The following GPR158 variants were observed in gnomAD, a reference collection of about 807,000 sequenced individuals.
GPR158 encodes metabotropic glycine receptor.
Under a neutral mutation model 78.2 loss-of-function variants are expected in GPR158, and 30 were observed. The observed-to-expected ratio is 0.38, with a 90% confidence interval of 0.29 to 0.52. The LOEUF (loss-of-function observed/expected upper bound fraction) is 0.52. GPR158 is among the 20% of genes least tolerant of loss of function. GPR158 has a pLI of 0.83. For missense variants in GPR158, 1,463 were observed against 1,523.5 expected (o/e 0.96, Z 0.66); for synonymous variants, 581 against 591.1 (o/e 0.98, Z 0.25).
chr10:25,245,655 A>G (rs1853680464), intron 2 of GPR158, among the ~76,000 whole-genome samples: 1 of 151,848 alleles, frequency 6.6e-6, no homozygotes, highest in Non-Finnish European at 1.5e-5. Flanking sequence ...TCCTTATTAA[A>G]CTCCTGCCAT....
rs375923614 is a variant in GPR158 at position 25,252,668 on chromosome 10, G to T, written c.1008+31511G>T. Among the ~76,000 whole-genome samples, 963 of 151,606 alleles carry T rather than the reference G, an allele frequency of 6.4e-3. 12 individuals carry two copies. The highest frequency in any genetic ancestry group is 0.022 in the African/African-American group (923 of 41,146). ...GACCCACTTGAAGAGGCAGTCTGCCGGTTCTCAGATCTCCAGCTGCGTGCT... is the reference window on the plus strand; with the variant it reads ...GACCCACTTGAAGAGGCAGTCTGCCTGTTCTCAGATCTCCAGCTGCGTGCT... On this transcript the variant is annotated intron_variant, in intron 2 of 10. Transcript: ENST00000376351.
chr10:25,501,646 G>A (rs998058861), intron 5 of GPR158, among the ~76,000 whole-genome samples: 6 of 152,140 alleles, frequency 3.9e-5, no homozygotes, highest in Admixed American at 1.3e-4. Context: ...TTGGGAATGC[G>A]GCTCTGGCCA....
At chr10:25,205,845 T>C (rs764287608) in intron 1 of GPR158, among the ~76,000 whole-genome samples, 1 of 152,162 alleles carries the variant, frequency 6.6e-6, no homozygotes, top group Non-Finnish European at 1.5e-5. Context: ...GGTTGTTTTA[T>C]GGCTGATTCT....
chr10:25,238,065 C>T (rs202108435), intron 2 of GPR158, among the ~76,000 whole-genome samples: 1 of 151,684 alleles, frequency 6.6e-6, no homozygotes, highest in African/African-American at 2.4e-5. Flanking sequence ...TCTTTTCTCT[C>T]CTTCTTCTTC....
chr10:25,547,370 G>C (rs4747529), intron 5 of GPR158, among the ~76,000 whole-genome samples: 33,026 of 152,040 alleles, frequency 0.22, 4,581 homozygotes, highest in Non-Finnish European at 0.31. Flanking sequence ...GGCTCCATCT[G>C]TTTTAAAGCT....
chr10:25,476,463 A>G (rs1381037213), intron 5 of GPR158, among the ~76,000 whole-genome samples: 1 of 151,636 alleles, frequency 6.6e-6, no homozygotes, highest in Non-Finnish European at 1.5e-5. Context: ...AAGGACTCCA[A>G]TGCATATGTA....
chr10:25,586,666 G>T (rs1588924908), intron 7 of GPR158, among the ~76,000 whole-genome samples: 1 of 152,230 alleles, frequency 6.6e-6, no homozygotes, highest in African/African-American at 2.4e-5. Context: ...ACCTGCCTCA[G>T]CCTCTCAAAG....
chr10:25,372,554 T>G (rs1834011748), intron 2 of GPR158, among the ~76,000 whole-genome samples: 1 of 146,990 alleles, frequency 6.8e-6, no homozygotes, highest in Non-Finnish European at 1.5e-5. Flanking sequence ...TCATGTCCTT[T>G]GTAGGGACAT....
intron 5 of GPR158, among the ~76,000 whole-genome samples, chr10:25,549,896 C>T (rs367682306): frequency 1.9e-4 from 29 of 152,138 alleles, no homozygotes; most frequent in East Asian, 1.3e-3. Context: ...AAATCATACT[C>T]AGGGTTTTGG....
chr10:25,207,956 A>G lies in GPR158; in HGVS notation c.903-13096A>G, dbSNP rs189731945. ...TTTGATATTATTTTACTCTTATGCT[A>G]TCATTAACACAATTATGTATTTTAT... On this transcript the variant is annotated intron_variant, in intron 1 of 10. Coordinates refer to ENST00000376351, the MANE Select transcript of GPR158 (RefSeq NM_020752.3). 3.4e-4 allele frequency among the ~76,000 whole-genome samples: 52 copies of G among 152,300 alleles called. 1 individual carries two copies. In the East Asian group the frequency reaches 9.4e-3, roughly 28 times the overall value.
intron 4 of GPR158, among the ~76,000 whole-genome samples, chr10:25,420,556 C>T (rs1834736015): frequency 6.6e-6 from 1 of 152,108 alleles, no homozygotes; most frequent in East Asian, 1.9e-4. Flanking sequence ...AGTCATAATG[C>T]TTTTCCTCTA....
chr10:25,504,637 C>T lies in GPR158; in HGVS notation c.1404+37918C>T, dbSNP rs79010660. On this transcript the variant is annotated intron_variant, in intron 5 of 10. Transcript: ENST00000376351. ...TTTCCCGGAGAGAAGTTTTCTTCCC[C>T]GAGTGCCTGACTTCATTGAGAATCT... Among the ~76,000 whole-genome samples, 147 of 152,236 alleles carry T rather than the reference C, an allele frequency of 9.7e-4. 1 individual carries two copies. The highest frequency in any genetic ancestry group is 3.3e-3 in the African/African-American group (136 of 41,560).
intron 5 of GPR158, among the ~76,000 whole-genome samples, chr10:25,486,522 C>A (rs750410863): frequency 4.6e-5 from 7 of 152,154 alleles, no homozygotes; most frequent in Non-Finnish European, 7.3e-5. Context: ...CCTTATCCAA[C>A]CCCGAATACG....
chr10:25,544,537 G>T (rs1215622997), intron 5 of GPR158, among the ~76,000 whole-genome samples: 1 of 151,990 alleles, frequency 6.6e-6, no homozygotes, highest in Non-Finnish European at 1.5e-5. Context: ...AGCTATTATT[G>T]TTATTGGTAC....
At chr10:25,238,164 G>C (rs1349434901) in intron 2 of GPR158, among the ~76,000 whole-genome samples, 1 of 152,080 alleles carries the variant, frequency 6.6e-6, no homozygotes, top group Non-Finnish European at 1.5e-5. Flanking sequence ...GGCACAATTT[G>C]GGCCAAGGCT....
intron 2 of GPR158, among the ~76,000 whole-genome samples, chr10:25,316,339 A>G (rs1854847945): frequency 6.6e-6 from 1 of 152,198 alleles, no homozygotes; most frequent in Admixed American, 6.5e-5. Flanking sequence ...TGGAGTTCCT[A>G]GGCCAATAAA....
At chr10:25,525,222 T>A (rs927920320) in intron 5 of GPR158, among the ~76,000 whole-genome samples, 3 of 152,088 alleles carry the variant, frequency 2.0e-5, no homozygotes, top group Non-Finnish European at 2.9e-5. Context: ...CAGTTGAAAA[T>A]TTTCTCAAAA....
At chr10:25,279,618 T>G (rs927004379) in intron 2 of GPR158, among the ~76,000 whole-genome samples, 1 of 152,158 alleles carries the variant, frequency 6.6e-6, no homozygotes, top group African/African-American at 2.4e-5. Context: ...GAACAGCATG[T>G]TTTATGACTT....
At chr10:25,571,929 TA>T (rs1837014611) in intron 6 of GPR158, among the ~76,000 whole-genome samples, 1 of 152,096 alleles carries the variant, frequency 6.6e-6, no homozygotes, top group Non-Finnish European at 1.5e-5. Context: ...CTTTCATTTT[TA>T]TTATTACTTC....
Sources: gnomAD v4.1 joint callset for allele counts (sites outside exome capture counted in the v4.1 genomes callset) on GRCh38, gnomAD v4.1.1 for gene constraint, MANE v1.5 for transcripts, NCBI Gene and HGNC (gene_info 2026-07-23, HGNC 2026-07-21) for gene names.